Variants in SGCZ observed in about 807,000 individuals in gnomAD.
SGCZ encodes the protein sarcoglycan zeta, also known as zeta-sarcoglycan.
SGCZ carries 40 observed loss-of-function variants against 41.3 expected under a neutral mutation model. The observed-to-expected ratio is 0.97, with a 90% confidence interval of 0.75 to 1.26. SGCZ has a LOEUF of 1.26. Ranked by LOEUF, SGCZ falls within the 50% of genes most tolerant of loss-of-function variation. The pLI is 0.00. For missense variants in SGCZ, 552 were observed against 369.8 expected, an observed-to-expected ratio of 1.49 and a Z score of -4.04; for synonymous variants, 206 against 137.5, an observed-to-expected ratio of 1.50 and a Z score of -3.49.
At position 14,651,840 on chromosome 8, in the gene SGCZ, A is replaced by C. The variant is rs971756010; in HGVS notation, c.40-96914T>G. On this transcript the variant is annotated intron_variant, in intron 1 of 7. Transcript: ENST00000382080. ...TTGCTCCTCAAAATATTTCAAGGAC[A>C]GTATCTTTGAATGTTTCTGACATAT... Among the ~76,000 whole-genome samples, 6 of 152,036 alleles carry C rather than the reference A, an allele frequency of 3.9e-5. 1 individual carries two copies. Among genetic ancestry groups the C allele is most frequent in the African/African-American group, 9.7e-5 (4 of 41,370 alleles).
At position 15,101,988 on chromosome 8, in the gene SGCZ, C is replaced by T. The variant is rs796838151; in HGVS notation, c.39+135597G>A. 9.2e-5 allele frequency among the ~76,000 whole-genome samples: 14 copies of T among 152,250 alleles called. No individual in the cohort carries two copies. In the South Asian group the frequency reaches 1.5e-3, roughly 16 times the overall value. ...TTTGGCAGTTTTCTACAGAGCTAAA[C>T]TTAGGCCTACCATCTGATCCAGCAA... On this transcript the variant is annotated intron_variant, in intron 1 of 7. Transcript: ENST00000382080.
At chr8:15,148,196 T>C (rs1302123311) in intron 1 of SGCZ, among the ~76,000 whole-genome samples, 1 of 152,198 alleles carries the variant, frequency 6.6e-6, no homozygotes, top group Non-Finnish European at 1.5e-5. Flanking sequence ...GACACATTGA[T>C]GCCTTTTTAA....
chr8:14,609,597 G>C (rs1805862377), intron 1 of SGCZ, among the ~76,000 whole-genome samples: 1 of 152,142 alleles, frequency 6.6e-6, no homozygotes, highest in African/African-American at 2.4e-5. Context: ...ATGCTGTCAT[G>C]ATATTCAACA....
chr8:14,167,576 A>G (rs575189719), intron 4 of SGCZ, among the ~76,000 whole-genome samples: 46 of 152,348 alleles, frequency 3.0e-4, no homozygotes, highest in African/African-American at 1.1e-3. Context: ...CAAGGATAGA[A>G]GAAGGAAAGA....
chr8:14,470,300 C>A (rs1037650829), intron 2 of SGCZ, among the ~76,000 whole-genome samples: 20 of 152,042 alleles, frequency 1.3e-4, no homozygotes, highest in African/African-American at 4.8e-4. Flanking sequence ...TCTTTGTTTT[C>A]TCCTCACTCT....
intron 1 of SGCZ, among the ~76,000 whole-genome samples, chr8:14,987,355 T>C (rs1801858450): frequency 6.6e-6 from 1 of 151,938 alleles, no homozygotes; most frequent in Non-Finnish European, 1.5e-5. Flanking sequence ...AATATCAAAA[T>C]AACTTTTGTA....
intron 1 of SGCZ, among the ~76,000 whole-genome samples, chr8:14,949,554 T>C (rs1266458041): frequency 6.6e-6 from 1 of 152,094 alleles, no homozygotes. Flanking sequence ...ATCAATACTT[T>C]GGAGATCATT....
At chr8:14,184,229 G>A (rs1415427423) in intron 4 of SGCZ, among the ~76,000 whole-genome samples, 4 of 152,080 alleles carry the variant, frequency 2.6e-5, no homozygotes, top group African/African-American at 7.2e-5. Context: ...AGTTTTACAT[G>A]GGCAAATGTG....
chr8:14,773,991 C>G (rs1430950017), intron 1 of SGCZ, among the ~76,000 whole-genome samples: 3 of 152,130 alleles, frequency 2.0e-5, no homozygotes, highest in South Asian at 2.1e-4. Context: ...ATCAATAAAG[C>G]AAGGGGAGTG....
chr8:14,544,034 T>C (rs1188921801), intron 2 of SGCZ, among the ~76,000 whole-genome samples: 2 of 152,084 alleles, frequency 1.3e-5, no homozygotes, highest in African/African-American at 4.8e-5. Flanking sequence ...ACAGAGTAAT[T>C]ATTTGTAAGA....
intron 1 of SGCZ, among the ~76,000 whole-genome samples, chr8:14,670,410 A>C (rs1464605855): frequency 4.6e-5 from 7 of 152,160 alleles, no homozygotes; most frequent in African/African-American, 1.7e-4. Context: ...GTTTATCATT[A>C]GTCTCCCAAA....
intron 1 of SGCZ, among the ~76,000 whole-genome samples, chr8:14,979,904 A>C (rs761209982): frequency 6.6e-6 from 1 of 152,042 alleles, no homozygotes. Context: ...TTTATTTTGT[A>C]TTTTTTCTCA....
At chr8:14,482,309 C>T (rs932964307) in intron 2 of SGCZ, among the ~76,000 whole-genome samples, 14 of 152,122 alleles carry the variant, frequency 9.2e-5, no homozygotes, top group African/African-American at 1.9e-4. Context: ...CTACCTTTTA[C>T]GGAAAGCATA....
At chr8:14,265,343 T>C (rs118067477) in intron 3 of SGCZ, among the ~76,000 whole-genome samples, 2,566 of 152,296 alleles carry the variant, frequency 0.017, 39 homozygotes, top group Non-Finnish European at 0.027. Context: ...ATTTTCTTTA[T>C]AGCATTCTGA....
chr8:14,867,233 G>A (rs552672793), intron 1 of SGCZ, among the ~76,000 whole-genome samples: 2 of 152,030 alleles, frequency 1.3e-5, no homozygotes, highest in Non-Finnish European at 2.9e-5. Context: ...AACGCCTGAA[G>A]TAGGATAATG....
At chr8:14,296,804 C>T (rs1051273897) in intron 3 of SGCZ, among the ~76,000 whole-genome samples, 3 of 151,858 alleles carry the variant, frequency 2.0e-5, no homozygotes, top group African/African-American at 4.8e-5. Context: ...AAAAATTAGA[C>T]GAATTTAAAA....
At chr8:14,275,762 G>A (rs1800208876) in intron 3 of SGCZ, among the ~76,000 whole-genome samples, 1 of 152,092 alleles carries the variant, frequency 6.6e-6, no homozygotes, top group South Asian at 2.1e-4. Context: ...TTGTGCAATG[G>A]AATCCTTCTA....
chr8:14,803,421 G>A (rs569553802), intron 1 of SGCZ, among the ~76,000 whole-genome samples: 30 of 152,210 alleles, frequency 2.0e-4, no homozygotes, highest in Admixed American at 4.6e-4. Context: ...CTCGGGAATC[G>A]CAAGGGGTCA....
chr8:14,253,719 T>C (rs951705791), intron 3 of SGCZ, among the ~76,000 whole-genome samples: 34 of 152,110 alleles, frequency 2.2e-4, no homozygotes, highest in African/African-American at 7.2e-4. Context: ...ATATGTAACA[T>C]AAATATAATA....
Sources: allele counts gnomAD v4.1 joint callset (sites outside exome capture counted in the v4.1 genomes callset), GRCh38; gene constraint gnomAD v4.1.1; transcripts MANE v1.5; gene names NCBI Gene and HGNC (gene_info 2026-07-23, HGNC 2026-07-21).